Variants in ACTN1 observed in about 807,000 individuals in gnomAD.
The protein encoded by ACTN1 is actinin alpha 1.
In ACTN1, 30 loss-of-function variants were observed where a neutral mutation model predicts 119.6. That is an observed-to-expected ratio of 0.25 (90% CI 0.19 to 0.34). ACTN1 has a LOEUF of 0.34. Among genes scored for constraint, ACTN1 ranks in the 10% least tolerant of loss-of-function variants. ACTN1 has a pLI of 1.00. For synonymous variants in ACTN1, 429 were observed against 472.6 expected, an observed-to-expected ratio of 0.91 and a Z score of 1.20; for missense variants, 764 against 1,223.4, an observed-to-expected ratio of 0.62 and a Z score of 5.60.
At chr14:68,962,055 C>T (rs1031800276) in intron 1 of ACTN1, among the ~76,000 whole-genome samples, 2 of 152,152 alleles carry the variant, frequency 1.3e-5, no homozygotes, top group African/African-American at 2.4e-5. Context: ...GCTGAGTGGC[C>T]GGCAGAGAGA....
intron 8 of ACTN1, among the ~76,000 whole-genome samples, chr14:68,895,098 G>A (rs2032776114): frequency 6.6e-6 from 1 of 152,076 alleles, no homozygotes; most frequent in Non-Finnish European, 1.5e-5. Flanking sequence ...AGGAGGTCAA[G>A]GGAGGCATGA....
At chr14:68,889,082 G>C (rs2032266600) in intron 11 of ACTN1, among the ~76,000 whole-genome samples, 2 of 152,220 alleles carry the variant, frequency 1.3e-5, no homozygotes, top group South Asian at 4.1e-4. Flanking sequence ...CCACGCTCCA[G>C]CTGAAATGGC....
At chr14:68,978,762 AG>A in intron 1 of ACTN1, 189 bp downstream of exon 1, 1 of 409,212 alleles carries the variant, frequency 2.4e-6, no homozygotes, top group Non-Finnish European at 4.3e-6. Flanking sequence ...GCTCCGGGGC[AG>A]GGGCGCTCCC....
At chr14:68,969,204 GCAAAA>G (rs1209092464) in intron 1 of ACTN1, among the ~76,000 whole-genome samples, 1 of 152,218 alleles carries the variant, frequency 6.6e-6, no homozygotes, top group African/African-American at 2.4e-5. Context: ...AAGCTACAAA[GCAAAA>G]CTTCATTTGG....
intron 21 of ACTN1, among the ~76,000 whole-genome samples, chr14:68,876,369 GCCCCCACCCCA>G (rs1298611145): frequency 6.6e-6 from 1 of 152,082 alleles, no homozygotes; most frequent in Admixed American, 6.6e-5. Context: ...CAGACCCTAG[GCCCCCACCCCA>G]CCCCCACCAT....
intron 1 of ACTN1, among the ~76,000 whole-genome samples, chr14:68,967,330 GCCC>G (rs2036740138): frequency 6.6e-6 from 1 of 152,170 alleles, no homozygotes; most frequent in South Asian, 2.1e-4. Context: ...CTGTCCAAAG[GCCC>G]TCACCACCAC....
At chr14:68,952,384 A>G (rs1487965052) in intron 1 of ACTN1, among the ~76,000 whole-genome samples, 1 of 152,242 alleles carries the variant, frequency 6.6e-6, no homozygotes, top group Admixed American at 6.5e-5. Context: ...TCTGGGGCAC[A>G]AAGAATACAG....
Position 68,931,417 on chromosome 14 carries a change from G to A in ACTN1, c.106-5745C>T, listed in dbSNP as rs147682606. ...AGCAGACCAGACAGCCCTTTGAGGGGAACTTTGGGAACTGGGGCTCTATGA... is the reference window on the plus strand; with the variant it reads ...AGCAGACCAGACAGCCCTTTGAGGGAAACTTTGGGAACTGGGGCTCTATGA... On this transcript the variant is annotated intron_variant, in intron 1 of 21. Coordinates refer to ENST00000394419, the MANE Select transcript of ACTN1 (RefSeq NM_001130004.2). 5.1e-4 allele frequency among the ~76,000 whole-genome samples: 78 copies of A among 152,328 alleles called. No individual in the cohort carries two copies. In the East Asian group the frequency reaches 0.011, roughly 21 times the overall value.
At chr14:68,958,725 A>T (rs2036432960) in intron 1 of ACTN1, among the ~76,000 whole-genome samples, 3 of 152,218 alleles carry the variant, frequency 2.0e-5, no homozygotes, top group Admixed American at 1.3e-4. Context: ...GAAACCACGG[A>T]AGTGTCCAAT....
chr14:68,897,472 A>G (rs1212153001), intron 8 of ACTN1, among the ~76,000 whole-genome samples: 1 of 151,744 alleles, frequency 6.6e-6, no homozygotes, highest in African/African-American at 2.4e-5. Context: ...CCAAACTGCT[A>G]CCCTAATAAT....
intron 11 of ACTN1, chr14:68,887,889 C>A: frequency 1.2e-6 from 1 of 860,056 alleles, no homozygotes; most frequent in South Asian, 1.3e-5. Context: ...TCTTAGTTAG[C>A]CACTTCGGCC....
In ACTN1 at chr14:68,885,410, T is replaced by C. The variant is rs773583697; in HGVS notation, c.1385+15A>G. The C allele has an allele frequency of 1.1e-5, 18 of 1,601,396 alleles. No homozygotes were observed. Among genetic ancestry groups the C allele is most frequent in the Non-Finnish European group, 1.4e-5 (16 of 1,172,290 alleles). ...AGCCCCTCACCACAGGGTAGGGGTGTCTGGGGCCACCTACTTGAGCTCCTG... is the reference window on the plus strand; with the variant it reads ...AGCCCCTCACCACAGGGTAGGGGTGCCTGGGGCCACCTACTTGAGCTCCTG... On this transcript the variant is annotated intron_variant, in intron 12 of 21. Transcript: ENST00000394419. The surrounding 1 kb of genome is among the most constrained non-coding windows in gnomAD (Gnocchi z 5.6).
intron 1 of ACTN1, chr14:68,936,484 A>C: frequency 3.0e-6 from 1 of 329,178 alleles, no homozygotes; most frequent in Non-Finnish European, 5.8e-6. Context: ...TTTGTACCAA[A>C]ATGTGCTGTC....
intron 3 of ACTN1, among the ~76,000 whole-genome samples, chr14:68,914,360 C>CA (rs1450483314): frequency 2.6e-5 from 4 of 151,896 alleles, no homozygotes; most frequent in African/African-American, 7.3e-5. Context: ...AGGCAAAAGA[C>CA]AAAAAAATCA....
At chr14:68,895,542 C>T (rs1566610018) in intron 8 of ACTN1, among the ~76,000 whole-genome samples, 1 of 152,118 alleles carries the variant, frequency 6.6e-6, no homozygotes, top group East Asian at 1.9e-4. Context: ...CAGGGGGCTG[C>T]AGAGAGACCC....
intron 10 of ACTN1, among the ~76,000 whole-genome samples, chr14:68,891,451 C>T (rs1183502724): frequency 6.6e-6 from 1 of 152,078 alleles, no homozygotes; most frequent in African/African-American, 2.4e-5. Flanking sequence ...CACTTGAGTA[C>T]AGAAACCGGG....
At chr14:68,968,516 G>A (rs1335714320) in intron 1 of ACTN1, among the ~76,000 whole-genome samples, 4 of 152,352 alleles carry the variant, frequency 2.6e-5, no homozygotes, top group Admixed American at 6.5e-5. Context: ...GATACAGACA[G>A]CTATATAGGC....
At chr14:68,875,698 C>T (rs1354765564) in intron 21 of ACTN1, among the ~76,000 whole-genome samples, 2 of 152,208 alleles carry the variant, frequency 1.3e-5, no homozygotes, top group African/African-American at 4.8e-5. Flanking sequence ...CATGCCCTAC[C>T]TCTGCCAGAG....
intron 1 of ACTN1, among the ~76,000 whole-genome samples, chr14:68,939,102 G>C (rs1288808252): frequency 6.6e-6 from 1 of 152,178 alleles, no homozygotes; most frequent in East Asian, 1.9e-4. Flanking sequence ...TGGCCTCCCT[G>C]CCATCCAAGG....
Sources: gnomAD v4.1 joint callset for allele counts (sites outside exome capture counted in the v4.1 genomes callset) on GRCh38, gnomAD v4.1.1 for gene constraint, Gnocchi (gnomAD v3.1) non-coding constraint, MANE v1.5 for transcripts, NCBI Gene and HGNC (gene_info 2026-07-23, HGNC 2026-07-21) for gene names.